Variants in MAGI2 observed in about 807,000 individuals in gnomAD.
The protein encoded by MAGI2 is membrane-associated guanylate kinase, WW and PDZ domain-containing protein 2.
MAGI2 carries 35 observed loss-of-function variants against 133.3 expected under a neutral mutation model. The observed-to-expected ratio is 0.26, with a 90% CI of 0.20 to 0.35. The LOEUF (loss-of-function observed/expected upper bound fraction) is 0.35. Among genes scored for constraint, MAGI2 ranks in the 10% least tolerant of loss-of-function variants. The probability of loss-of-function intolerance (pLI) is 1.00; values close to 1 mark genes in which losing one functional copy is unlikely to be tolerated. For missense variants in MAGI2, 1,636 were observed against 1,863.4 expected (o/e 0.88, Z 2.25); for synonymous variants, 729 against 710.6 (o/e 1.03, Z -0.41).
chr7:79,098,853 T>C (rs1393774436), intron 1 of MAGI2, among the ~76,000 whole-genome samples: 5 of 152,086 alleles, frequency 3.3e-5, no homozygotes, highest in Non-Finnish European at 7.4e-5. Context: ...AAGGGGAGGG[T>C]TATTGTTCTC....
chr7:78,588,519 G>T (rs549667724), intron 3 of MAGI2, among the ~76,000 whole-genome samples: 1 of 152,246 alleles, frequency 6.6e-6, no homozygotes, highest in African/African-American at 2.4e-5. Flanking sequence ...CGAGAGTGAA[G>T]GCTGCCAAGT....
intron 16 of MAGI2, among the ~76,000 whole-genome samples, chr7:78,138,117 C>T (rs7778303): frequency 0.11 from 16,651 of 152,226 alleles, 1,190 homozygotes; most frequent in Non-Finnish European, 0.16. Flanking sequence ...ATAGCCTTTG[C>T]TGTTATTATA....
intron 3 of MAGI2, among the ~76,000 whole-genome samples, chr7:78,573,993 G>T (rs1453824960): frequency 6.6e-6 from 1 of 152,102 alleles, no homozygotes; most frequent in Non-Finnish European, 1.5e-5. Context: ...ATGTATACAG[G>T]TGGCCTTAGT....
chr7:78,967,233 C>T (rs981522783), intron 2 of MAGI2, among the ~76,000 whole-genome samples: 6 of 152,026 alleles, frequency 3.9e-5, no homozygotes, highest in African/African-American at 1.2e-4. Flanking sequence ...TGAGTCATAG[C>T]ATCCAGCTTG....
intron 1 of MAGI2, among the ~76,000 whole-genome samples, chr7:79,108,688 A>G (rs1019266728): frequency 3.3e-5 from 5 of 152,114 alleles, no homozygotes; most frequent in African/African-American, 4.8e-5. Context: ...TTTTATTTAT[A>G]ATTTCATGGG....
chr7:78,801,789 T>C (rs1334012995), intron 2 of MAGI2, among the ~76,000 whole-genome samples: 1 of 152,166 alleles, frequency 6.6e-6, no homozygotes, highest in African/African-American at 2.4e-5. Context: ...CAGCAGCTAT[T>C]ATGAGTGATC....
intron 2 of MAGI2, among the ~76,000 whole-genome samples, chr7:78,862,454 C>T (rs1794225442): frequency 6.6e-6 from 1 of 152,206 alleles, no homozygotes; most frequent in Non-Finnish European, 1.5e-5. Flanking sequence ...TAGTCCTTCA[C>T]ATTTCTTGTG....
At chr7:78,266,729 CACTACACCAGGCTAATTTTTTTGTAT>C (rs1794052687) in intron 9 of MAGI2, among the ~76,000 whole-genome samples, 1 of 151,932 alleles carries the variant, frequency 6.6e-6, no homozygotes, top group Non-Finnish European at 1.5e-5. Flanking sequence ...AGGATCACGC[CACTACACCAGGCTAATTTTTTTGTAT>C]TTTTAGTAGA....
intron 6 of MAGI2, among the ~76,000 whole-genome samples, chr7:78,381,424 T>G (rs75904525): frequency 0.054 from 8,182 of 152,016 alleles, 321 homozygotes; most frequent in South Asian, 0.095. Flanking sequence ...TGAGGAAAGG[T>G]TTTCTTACTC....
chr7:79,237,435 G>A (rs1228162183), intron 1 of MAGI2, among the ~76,000 whole-genome samples: 1 of 152,216 alleles, frequency 6.6e-6, no homozygotes, highest in Non-Finnish European at 1.5e-5. Flanking sequence ...GGAGCTTGCA[G>A]TGAGCCAACG....
At chr7:78,957,960 T>C (rs893721281) in intron 2 of MAGI2, among the ~76,000 whole-genome samples, 2 of 152,216 alleles carry the variant, frequency 1.3e-5, no homozygotes, top group Non-Finnish European at 2.9e-5. Flanking sequence ...GCTGTAGCTT[T>C]TACTTGTGTG....
chr7:78,987,863 G>T (rs1203589389), intron 2 of MAGI2, among the ~76,000 whole-genome samples: 2 of 151,620 alleles, frequency 1.3e-5, no homozygotes, highest in Non-Finnish European at 2.9e-5. Flanking sequence ...CACACACACA[G>T]TAAAGGAAAA....
At chr7:78,776,306 T>C (rs1563491886) in intron 2 of MAGI2, among the ~76,000 whole-genome samples, 1 of 152,248 alleles carries the variant, frequency 6.6e-6, no homozygotes, top group African/African-American at 2.4e-5. Flanking sequence ...TCATTCATTC[T>C]AGTTTTACAG....
chr7:78,428,338 G>A (rs2151424933), intron 6 of MAGI2, among the ~76,000 whole-genome samples: 1 of 152,224 alleles, frequency 6.6e-6, no homozygotes, highest in African/African-American at 2.4e-5. Context: ...AGGAATAAAT[G>A]CAGATAACAT....
At chr7:78,237,396 G>T (rs565191857) in intron 10 of MAGI2, among the ~76,000 whole-genome samples, 174 of 151,990 alleles carry the variant, frequency 1.1e-3, no homozygotes, top group Middle Eastern at 0.01. Context: ...TTCTAGTCCT[G>T]GTTCTTTTTG....
intron 10 of MAGI2, among the ~76,000 whole-genome samples, chr7:78,221,430 G>A (rs890619039): frequency 1.3e-5 from 2 of 152,278 alleles, no homozygotes; most frequent in African/African-American, 4.8e-5. Flanking sequence ...GAACTGTTTA[G>A]AGAACTAGAC....
At chr7:79,180,807 A>G (rs1472594963) in intron 1 of MAGI2, among the ~76,000 whole-genome samples, 1 of 152,136 alleles carries the variant, frequency 6.6e-6, no homozygotes, top group East Asian at 1.9e-4. Flanking sequence ...TGAGTTAGTT[A>G]CTTCCTAGAT....
rs542627438 is a variant in MAGI2, at chr7:78,268,030, C to T, written c.1409-11449G>A. On this transcript the variant is annotated intron_variant, in intron 9 of 21. Coordinates refer to ENST00000354212, the MANE Select transcript of MAGI2 (RefSeq NM_012301.4). Reference sequence around the variant, plus strand: ...TGTACGACTATTGAACATGTATCTACGTAAATATACATGTAGATAGGTCCA... The same window carrying T: ...TGTACGACTATTGAACATGTATCTATGTAAATATACATGTAGATAGGTCCA... 9.9e-5 allele frequency among the ~76,000 whole-genome samples: 15 copies of T among 152,176 alleles called. No individual in the cohort carries two copies. In the East Asian group the frequency reaches 2.3e-3, roughly 24 times the overall value.
At chr7:78,604,864 T>C (rs549779377) in intron 3 of MAGI2, among the ~76,000 whole-genome samples, 1 of 152,274 alleles carries the variant, frequency 6.6e-6, no homozygotes, top group African/African-American at 2.4e-5. Context: ...GCTATTTTCT[T>C]AATATCTATT....
Sources: gnomAD v4.1 joint callset for allele counts (sites outside exome capture counted in the v4.1 genomes callset) on GRCh38, gnomAD v4.1.1 for gene constraint, MANE v1.5 for transcripts, NCBI Gene and HGNC (gene_info 2026-07-23, HGNC 2026-07-21) for gene names.